Variants in GUCY2F observed in about 807,000 individuals in gnomAD.
GUCY2F encodes the protein guanylate cyclase 2F, retinal, also known as retinal guanylyl cyclase 2.
In GUCY2F, 61 loss-of-function variants were observed where a neutral mutation model predicts 73.1. That is an observed-to-expected ratio of 0.83 (90% CI 0.68 to 1.03). The LOEUF is 1.03. GUCY2F is among the 50% of genes least tolerant of loss of function. The pLI is 0.00. For synonymous variants in GUCY2F, 331 were observed against 307.8 expected, an observed-to-expected ratio of 1.08 and a Z score of -0.79; for missense variants, 912 against 854.3, an observed-to-expected ratio of 1.07 and a Z score of -0.84.
At position 109,391,974 on chromosome X, in the gene GUCY2F, C is replaced by G. The variant is rs1474043680; in HGVS notation, c.2718G>C (p.Val906=). ...GTGTGTACAGGTCATTCAGAAGATC[C>G]ACGACCTCAATGGGCTCACTCATGG... ...ISAMSEPIEV[V]DLLNDLYTLF... Residue 906 remains valine (V), a synonymous_variant, in exon 14 of 20, where the codon GTG becomes GTC. Coordinates refer to ENST00000218006, the MANE Select transcript of GUCY2F (RefSeq NM_001522.3). 8.3e-7 allele frequency: 1 copy of G among 1,207,075 alleles called. No individual in the cohort carries two copies. Among genetic ancestry groups the G allele is most frequent in the East Asian group, 3.0e-5 (1 of 33,746 alleles).
chrX:109,409,162 C>T lies in GUCY2F; in HGVS notation c.1798G>A (p.Asp600Asn), dbSNP rs1156811462. The change falls in exon 9 of 20, where the codon GAC becomes AAC. Residue 600 changes from aspartate (D) to asparagine (N), a missense_variant. Asp to Asn is a conservative substitution (Grantham distance 23). Coordinates refer to ENST00000218006, the MANE Select transcript of GUCY2F (RefSeq NM_001522.3). ...GGGTTAATATTCTCATGACGCAAGT[C>T]CTTCATCTGGAAATGAGAGACAGAA... ...RASDVFEMMK[D>N]LRHENINPLL... is the part of the protein sequence containing the mutation. The T allele has an allele frequency of 9.2e-7, 1 of 1,086,022 alleles. No homozygotes were observed. Among genetic ancestry groups the T allele is most frequent in the African/African-American group, 1.8e-5 (1 of 55,406 alleles). 89.5% of individuals were successfully genotyped at this position (1,086,022 alleles called of 1,213,427 possible).
In GUCY2F at chrX:109,427,949, TAGAC is replaced by T. The variant is rs368985491; in HGVS notation, c.1791+2354_1791+2357del. ...TTTAGTATGAATTTATGGTTTTAGA[TAGAC>T]AGATTGATTGATATGAATATTATAG... is the stretch of plus-strand genomic sequence containing the variant. On this transcript the variant is annotated intron_variant, in intron 8 of 19. Coordinates refer to ENST00000218006, the MANE Select transcript of GUCY2F (RefSeq NM_001522.3). Among the ~76,000 whole-genome samples, 303 of 112,258 alleles carry T rather than the reference TAGAC, an allele frequency of 2.7e-3. 1 individual carries two copies. The highest frequency in any genetic ancestry group is 9.0e-3 in the African/African-American group (278 of 30,925).
At chrX:109,381,920 C>T (rs761430963) in intron 17 of GUCY2F, among the ~76,000 whole-genome samples, 198 bp downstream of exon 17, 4 of 112,810 alleles carry the variant, frequency 3.5e-5, no homozygotes, top group African/African-American at 9.6e-5. Flanking sequence ...CTCCTCCCCA[C>T]TGTAGCCATA....
Position 109,397,806 on chromosome X carries a change from A to G in GUCY2F, c.2275+743T>C, listed in dbSNP as rs182085443. 7.5e-3 allele frequency among the ~76,000 whole-genome samples: 823 copies of G among 109,231 alleles called. 8 individuals are homozygous for G. Among genetic ancestry groups the G allele is most frequent in the African/African-American group, 0.026 (783 of 29,599 alleles). 94.9% of individuals were successfully genotyped at this position (109,231 alleles called of 115,157 possible). A position where few individuals can be genotyped will look rare whatever the true frequency, so the allele number is the denominator to read the frequency against. ...AGAATGTCAGCTGGGGTTTGTCTAA[A>G]GTTTTCTCATTATTAGATTGAGGTT... is the stretch of plus-strand genomic sequence containing the variant. On this transcript the variant is annotated intron_variant, in intron 11 of 19. Coordinates refer to ENST00000218006, the MANE Select transcript of GUCY2F (RefSeq NM_001522.3).
chrX:109,444,547 C>T (rs1931954126), intron 6 of GUCY2F, among the ~76,000 whole-genome samples: 1 of 111,937 alleles, frequency 8.9e-6, no homozygotes, highest in South Asian at 3.7e-4. Context: ...GCCACATATA[C>T]TAGCACAAGA....
intron 11 of GUCY2F, among the ~76,000 whole-genome samples, chrX:109,396,253 C>T (rs1459133151): frequency 9.0e-6 from 1 of 110,725 alleles, no homozygotes; most frequent in African/African-American, 3.3e-5. Flanking sequence ...CGTGGGAATT[C>T]TTAGACTCCC....
intron 6 of GUCY2F, among the ~76,000 whole-genome samples, chrX:109,445,845 C>A (rs1475441619): frequency 8.9e-6 from 1 of 111,746 alleles, no homozygotes; most frequent in East Asian, 2.8e-4. Flanking sequence ...TGCCTGTTTG[C>A]AGATGACATG....
At chrX:109,424,521 C>T (rs73530222) in intron 8 of GUCY2F, among the ~76,000 whole-genome samples, 1,722 of 110,728 alleles carry the variant, frequency 0.016, 30 homozygotes, top group African/African-American at 0.053. Flanking sequence ...TGCCAATGCT[C>T]GCAAGATATA....
chrX:109,423,593 G>A (rs192699352), intron 8 of GUCY2F, among the ~76,000 whole-genome samples: 1,174 of 101,922 alleles, frequency 0.012, 6 homozygotes, highest in Middle Eastern at 0.02. Context: ...TTTTTTTTTG[G>A]TTTGGTAGCG....
chrX:109,393,177 A>G (rs1394312811), intron 12 of GUCY2F, 122 bp from the exon 13 acceptor site: 59 of 460,491 alleles, frequency 1.3e-4, no homozygotes, highest in Non-Finnish European at 1.9e-4. Context: ...AGGTGAACCC[A>G]GATATAAATA....
In GUCY2F at chrX:109,465,130, A is replaced by C. The variant is rs374534290; in HGVS notation, c.1032+12T>G. 8.5e-7 allele frequency: 1 copy of C among 1,175,099 alleles called. No homozygotes were observed. The highest frequency in any genetic ancestry group is 1.8e-5 in the African/African-American group (1 of 56,551). On this transcript the variant is annotated intron_variant, in intron 3 of 19. Transcript: ENST00000218006. The stretch of plus-strand genomic sequence containing the variant: ...GTTCTCAGCTCATGACAACCTATGA[A>C]TGTGTACTTACTTGATCGAACTCCA...
At chrX:109,472,654 A>T (rs1428315761) in intron 2 of GUCY2F, among the ~76,000 whole-genome samples, 1 of 112,059 alleles carries the variant, frequency 8.9e-6, no homozygotes, top group Non-Finnish European at 1.9e-5. Context: ...TGATGTGTTG[A>T]CCCAATCTGT....
intron 9 of GUCY2F, 62 bp from the exon 10 acceptor site, chrX:109,404,546 C>A: frequency 1.3e-6 from 1 of 795,954 alleles, no homozygotes; most frequent in Non-Finnish European, 1.8e-6. Context: ...CTTTTAACAC[C>A]AATTTCTGAG....
At chrX:109,437,968 T>C (rs1404283558) in intron 7 of GUCY2F, among the ~76,000 whole-genome samples, 2 of 112,514 alleles carry the variant, frequency 1.8e-5, no homozygotes, top group Admixed American at 1.9e-4. Flanking sequence ...TTTGATTGAA[T>C]TAAGTCCAAG....
At chrX:109,375,171 TA>T (rs5903336) in intron 19 of GUCY2F, among the ~76,000 whole-genome samples, 122 of 94,189 alleles carry the variant, frequency 1.3e-3, no homozygotes, top group Admixed American at 1.7e-3. Flanking sequence ...AAGCAAGATT[TA>T]AAAAAAAAAA....
At chrX:109,441,939 C>T (rs1931881953) in intron 6 of GUCY2F, among the ~76,000 whole-genome samples, 1 of 112,002 alleles carries the variant, frequency 8.9e-6, no homozygotes, top group Non-Finnish European at 1.9e-5. Context: ...ACCTTGCTGA[C>T]TCTCAGGAGT....
chrX:109,407,458 C>A (rs1391608847), intron 9 of GUCY2F, among the ~76,000 whole-genome samples: 2 of 113,054 alleles, frequency 1.8e-5, no homozygotes, highest in African/African-American at 3.2e-5. Context: ...AAAAGCAAAA[C>A]CTATTTTTTT....
chrX:109,427,708 T>A (rs1429768428), intron 8 of GUCY2F, among the ~76,000 whole-genome samples: 1 of 112,196 alleles, frequency 8.9e-6, no homozygotes, highest in Non-Finnish European at 1.9e-5. Context: ...TTAAAGCACA[T>A]CTACATGGTA....
At chrX:109,388,337 G>A in intron 15 of GUCY2F, 152 bp downstream of exon 15, 1 of 474,338 alleles carries the variant, frequency 2.1e-6, no homozygotes, top group Non-Finnish European at 3.7e-6. Flanking sequence ...TGGGAGGAGA[G>A]TAAATTTGGG....
Sources: allele counts gnomAD v4.1 joint callset (sites outside exome capture counted in the v4.1 genomes callset), GRCh38; gene constraint gnomAD v4.1.1; transcripts MANE v1.5; gene names NCBI Gene and HGNC (gene_info 2026-07-23, HGNC 2026-07-21).